CSMD1: variants seen among roughly 807,000 people sequenced by gnomAD.
CSMD1 encodes CUB and sushi domain-containing protein 1.
A neutral mutation model predicts 417.5 loss-of-function variants in CSMD1; 213 were observed. The observed-to-expected ratio is 0.51, with a 90% CI of 0.46 to 0.57. CSMD1 has a LOEUF of 0.57. Ranked by LOEUF, CSMD1 falls within the 20% of genes least tolerant of loss-of-function variation. The pLI, the probability that CSMD1 is intolerant of heterozygous loss-of-function variation, is 0.00. For missense variants in CSMD1, 6,923 were observed against 4,529.7 expected (o/e 1.53, Z -15.17); for synonymous variants, 2,862 against 1,736.8 (o/e 1.65, Z -16.11).
At chr8:4,330,760 G>T (rs751251716) in intron 3 of CSMD1, among the ~76,000 whole-genome samples, 1 of 151,818 alleles carries the variant, frequency 6.6e-6, no homozygotes, top group African/African-American at 2.4e-5. Flanking sequence ...TCTTTCCTGC[G>T]GCATCTCCTC....
chr8:3,514,825 CACAA>C (rs1268516940), intron 10 of CSMD1, among the ~76,000 whole-genome samples: 1 of 152,030 alleles, frequency 6.6e-6, no homozygotes, highest in Non-Finnish European at 1.5e-5. Context: ...ATATTATTAA[CACAA>C]ACAACATATT....
intron 5 of CSMD1, among the ~76,000 whole-genome samples, chr8:3,819,441 C>G (rs569819694): frequency 4.3e-4 from 66 of 152,110 alleles, no homozygotes; most frequent in African/African-American, 1.5e-3. Flanking sequence ...AAGTTGGAAG[C>G]TAGAAGTGCT....
intron 10 of CSMD1, among the ~76,000 whole-genome samples, chr8:3,550,513 T>C (rs1011031315): frequency 6.6e-6 from 1 of 152,196 alleles, no homozygotes; most frequent in African/African-American, 2.4e-5. Context: ...TCCATACATA[T>C]AAGGTGTAGT....
At chr8:4,533,036 C>T (rs1242154717) in intron 2 of CSMD1, among the ~76,000 whole-genome samples, 1 of 152,214 alleles carries the variant, frequency 6.6e-6, no homozygotes, top group Non-Finnish European at 1.5e-5. Context: ...TTTCTCCTCC[C>T]TAGATCCCAG....
chr8:3,421,264 A>T (rs1303197206), intron 12 of CSMD1, among the ~76,000 whole-genome samples: 2 of 152,222 alleles, frequency 1.3e-5, no homozygotes, highest in Admixed American at 6.5e-5. Flanking sequence ...GACTGGATCC[A>T]GGGATTGGCC....
intron 5 of CSMD1, among the ~76,000 whole-genome samples, chr8:3,843,887 G>T (rs1009793521): frequency 7.9e-5 from 12 of 152,308 alleles, no homozygotes; most frequent in African/African-American, 2.9e-4. Flanking sequence ...GTACAATTTA[G>T]AGTAACGTAA....
intron 1 of CSMD1, among the ~76,000 whole-genome samples, chr8:4,713,367 C>G (rs1447611111): frequency 7.1e-6 from 1 of 141,520 alleles, no homozygotes; most frequent in East Asian, 2.1e-4. Flanking sequence ...TATTAGTCAG[C>G]TTTGTGTTTT....
At chr8:4,992,421 A>T (rs1020804372) in intron 1 of CSMD1, among the ~76,000 whole-genome samples, 2 of 152,198 alleles carry the variant, frequency 1.3e-5, no homozygotes, top group African/African-American at 2.4e-5. Flanking sequence ...GTGAGCTCAG[A>T]GGCTGAGTTG....
chr8:4,515,267 G>C (rs185126264), intron 2 of CSMD1, among the ~76,000 whole-genome samples: 52 of 152,282 alleles, frequency 3.4e-4, no homozygotes, highest in Admixed American at 1.3e-3. Flanking sequence ...TATATGCAGA[G>C]ACCACAGTCT....
rs533661585 is a variant in CSMD1, at chr8:3,701,690, A to C, written c.1009+6724T>G. Among the ~76,000 whole-genome samples the C allele has an allele frequency of 3.9e-5, 6 of 152,312 alleles. No individual in the cohort carries two copies. The South Asian group carries it at 1.0e-3, about 26-fold the overall frequency. Reference sequence around the variant, plus strand: ...GAAGTATATTTTGCAAAATGGTTCAATCAGTCAGGGTATTTACAAAAGACA... The same window carrying C: ...GAAGTATATTTTGCAAAATGGTTCACTCAGTCAGGGTATTTACAAAAGACA... On this transcript the variant is annotated intron_variant, in intron 7 of 69. Coordinates refer to ENST00000635120, the MANE Select transcript of CSMD1 (RefSeq NM_033225.6).
At chr8:3,124,237 C>G (rs556848585) in intron 41 of CSMD1, among the ~76,000 whole-genome samples, 1 of 152,116 alleles carries the variant, frequency 6.6e-6, no homozygotes, top group South Asian at 2.1e-4. Flanking sequence ...TGACTCTACT[C>G]TGTTATAAAT....
intron 10 of CSMD1, among the ~76,000 whole-genome samples, chr8:3,514,106 G>A (rs1310841876): frequency 6.6e-6 from 1 of 151,994 alleles, no homozygotes; most frequent in African/African-American, 2.4e-5. Context: ...TCTTCTCTTG[G>A]CAGATAGGAG....
chr8:3,229,120 C>T (rs1440537381), intron 27 of CSMD1, among the ~76,000 whole-genome samples: 1 of 152,120 alleles, frequency 6.6e-6, no homozygotes, highest in South Asian at 2.1e-4. Flanking sequence ...GAGAATTTCA[C>T]CACCGCTGTG....
In CSMD1 at chr8:3,997,983, A is replaced by C. The variant is rs760684418; in HGVS notation, c.738T>G (p.Ile246Met). ...GCTGAAAGTCAGTGAAGACCAGCGC[A>C]ATGGTGTCCCCGGGCTCAGCCAGAA... is the stretch of plus-strand genomic sequence containing the variant. ...WTILAEPGDT[I>M]ALVFTDFQLE... Residue 246 changes from isoleucine to methionine, a missense_variant, in exon 5 of 70, where the codon ATT (isoleucine) becomes ATG (methionine). Coordinates refer to ENST00000635120, the MANE Select transcript of CSMD1 (RefSeq NM_033225.6). 1 of 1,611,174 alleles carries C rather than the reference A, an allele frequency of 6.2e-7. No homozygotes were observed. Among genetic ancestry groups the C allele is most frequent in the South Asian group, 1.1e-5 (1 of 90,252 alleles).
chr8:3,249,279 C>G (rs535725887), intron 26 of CSMD1, among the ~76,000 whole-genome samples: 1 of 151,862 alleles, frequency 6.6e-6, no homozygotes, highest in Non-Finnish European at 1.5e-5. Context: ...TGGAGTGCAG[C>G]GGCGTGATCT....
intron 8 of CSMD1, 29 bp downstream of exon 8, chr8:3,616,681 C>CT: frequency 2.9e-6 from 4 of 1,391,100 alleles, no homozygotes; most frequent in African/African-American, 1.4e-5. Context: ...AAATAACATG[C>CT]TTTTTTCCAC....
chr8:4,737,363 G>C (rs563331099), intron 1 of CSMD1, among the ~76,000 whole-genome samples: 2 of 151,714 alleles, frequency 1.3e-5, no homozygotes, highest in Admixed American at 6.6e-5. Context: ...GAGAGAGAGA[G>C]TCAGAAAAAA....
chr8:4,047,621 C>G (rs1157329508), intron 3 of CSMD1, among the ~76,000 whole-genome samples: 1 of 151,792 alleles, frequency 6.6e-6, no homozygotes, highest in Non-Finnish European at 1.5e-5. Context: ...TTTCCAGGCA[C>G]TAGGAATGCA....
chr8:3,100,053 G>GTTTC (rs1333627209), intron 46 of CSMD1, among the ~76,000 whole-genome samples: 4 of 67,758 alleles, frequency 5.9e-5, no homozygotes, highest in African/African-American at 1.1e-4. Flanking sequence ...TTTTTAACTT[G>GTTTC]TTTGTTTGTT....
Sources: gnomAD v4.1 joint callset for allele counts (sites outside exome capture counted in the v4.1 genomes callset) on GRCh38, gnomAD v4.1.1 for gene constraint, MANE v1.5 for transcripts, NCBI Gene and HGNC (gene_info 2026-07-23, HGNC 2026-07-21) for gene names.